Variants in SREBF2 observed in about 807,000 individuals in gnomAD.
SREBF2 encodes the protein sterol regulatory element-binding protein 2.
In SREBF2, 55 loss-of-function variants were observed where a neutral mutation model predicts 113.1. The observed-to-expected ratio is 0.49, with a 90% CI of 0.39 to 0.61. The LOEUF (loss-of-function observed/expected upper bound fraction) is 0.61. Ranked by LOEUF, SREBF2 falls within the 20% of genes least tolerant of loss-of-function variation. SREBF2 has a pLI of 0.00. For missense variants in SREBF2, 1,349 were observed against 1,487.4 expected (o/e 0.91, Z 1.53); for synonymous variants, 593 against 605.7 (o/e 0.98, Z 0.31).
At chr22:41,877,542 C>T (rs2077207954) in intron 8 of SREBF2, 121 bp downstream of exon 8, 4 of 1,161,812 alleles carry the variant, frequency 3.4e-6, no homozygotes, top group Non-Finnish European at 5.0e-6. Flanking sequence ...AGTGGGCCCC[C>T]ACCTGCTTGC....
At chr22:41,896,133 T>A (rs1199545127) in intron 13 of SREBF2, among the ~76,000 whole-genome samples, 1 of 147,798 alleles carries the variant, frequency 6.8e-6, no homozygotes, top group Non-Finnish European at 1.5e-5. Context: ...AGAGCTAGAC[T>A]CTGTCTCAAA....
At chr22:41,854,997 G>A (rs568555502) in intron 1 of SREBF2, among the ~76,000 whole-genome samples, 151 of 149,736 alleles carry the variant, frequency 1.0e-3, no homozygotes, top group Non-Finnish European at 1.8e-3. Context: ...CGTGTAGCTG[G>A]ACCAACAGGC....
intron 11 of SREBF2, among the ~76,000 whole-genome samples, chr22:41,892,519 G>A (rs994700405): frequency 7.2e-5 from 11 of 151,814 alleles, no homozygotes; most frequent in East Asian, 3.9e-4. Context: ...ATGGTGGCGC[G>A]CGCCTGTAGT....
chr22:41,874,080 T>C lies in SREBF2; in HGVS notation c.1089+61T>C, dbSNP rs1019176424. The C allele has an allele frequency of 5.7e-6, 9 of 1,582,558 alleles. No homozygotes were observed. The East Asian group carries it at 2.0e-4, about 35-fold the overall frequency. Reference sequence around the variant, plus strand: ...CATCTCCCCTCTACCTGTTTTTGCCTCAGGAGCCTAGAGAAGTCCCAGGCT... The same window carrying C: ...CATCTCCCCTCTACCTGTTTTTGCCCCAGGAGCCTAGAGAAGTCCCAGGCT... On this transcript the variant is annotated intron_variant, in intron 5 of 18. Transcript: ENST00000361204.
At position 41,906,061 on chromosome 22, in the gene SREBF2, T is replaced by C. The variant is rs913608418; in HGVS notation, c.*401T>C. The stretch of plus-strand genomic sequence containing the variant: ...GCAGTCTCTGAGCACCAGGGAGCAG[T>C]TGCCCTCAGGCCTGTGCCCAGCATG... On this transcript the variant is annotated 3_prime_UTR_variant, in exon 19 of 19. Coordinates refer to ENST00000361204, the MANE Select transcript of SREBF2 (RefSeq NM_004599.4). 4.3e-6 allele frequency: 2 copies of C among 468,798 alleles called. No individual in the cohort carries two copies. Among genetic ancestry groups the C allele is most frequent in the African/African-American group, 2.0e-5 (1 of 50,676 alleles). 29.0% of individuals were successfully genotyped at this position (468,798 alleles called of 1,614,324 possible).
chr22:41,839,348 C>T (rs9607850), intron 1 of SREBF2, among the ~76,000 whole-genome samples: 63,025 of 151,768 alleles, frequency 0.42, 13,388 homozygotes, highest in Non-Finnish European at 0.45. Context: ...AGAGTCACTG[C>T]TGAGTCAAGA....
chr22:41,861,784 G>A (rs963332807), intron 1 of SREBF2, among the ~76,000 whole-genome samples: 2 of 151,946 alleles, frequency 1.3e-5, no homozygotes, highest in African/African-American at 4.8e-5. Flanking sequence ...TTAGCAGGGC[G>A]TGGTGGTGTG....
In SREBF2 at chr22:41,877,326, A is replaced by AC; in HGVS notation, c.1489dup (p.Leu497ProfsTer14). ...CTCACCTTCCTGTGCCTCTCCTTTA[A>AC]CCCCCTGACTTCCCTGCTGCAGTGG... is the stretch of plus-strand genomic sequence containing the variant. On this transcript the variant is annotated frameshift_variant, in exon 8 of 19. Transcript: ENST00000361204. LOFTEE classifies it high-confidence loss of function. 6.2e-7 allele frequency: 1 copy of AC among 1,613,460 alleles called. No homozygotes were observed. The highest frequency in any genetic ancestry group is 8.5e-7 in the Non-Finnish European group (1 of 1,179,866).
chr22:41,860,171 G>T lies in SREBF2; in HGVS notation c.89-6660G>T, dbSNP rs561552202. ...AACATATTAAAAGAGAAATAACAAA[G>T]TGGGGGAAGTACTTGCAGACATTTA... is the stretch of plus-strand genomic sequence containing the variant. On this transcript the variant is annotated intron_variant, in intron 1 of 18. Coordinates refer to ENST00000361204, the MANE Select transcript of SREBF2 (RefSeq NM_004599.4). Among the ~76,000 whole-genome samples, 3 of 151,710 alleles carry T rather than the reference G, an allele frequency of 2.0e-5. No homozygotes were observed. The South Asian group carries it at 6.3e-4, about 32-fold the overall frequency.
chr22:41,887,596 C>T (rs1164375284), intron 11 of SREBF2, among the ~76,000 whole-genome samples: 1 of 152,212 alleles, frequency 6.6e-6, no homozygotes, highest in Middle Eastern at 3.4e-3. Context: ...TTATAGTGTT[C>T]CATTGTATGA....
At chr22:41,864,072 T>G (rs2077048445) in intron 1 of SREBF2, among the ~76,000 whole-genome samples, 1 of 149,274 alleles carries the variant, frequency 6.7e-6, no homozygotes, top group African/African-American at 2.5e-5. Context: ...AGACAGGGGT[T>G]TTCACCATGT....
rs750615465 is a variant in SREBF2, at chr22:41,905,708, T to TCC, written c.*52_*53dup. ...CCACCTCTCTCTCGATTTCTCTCTC[T>TCC]CCCCCTCAGCATCTTCCCGCTGAGA... On this transcript the variant is annotated 3_prime_UTR_variant, in exon 19 of 19. Coordinates refer to ENST00000361204, the MANE Select transcript of SREBF2 (RefSeq NM_004599.4). The TCC allele has an allele frequency of 6.6e-7, 1 of 1,508,898 alleles. No homozygotes were observed. The highest frequency in any genetic ancestry group is 1.2e-5 in the South Asian group (1 of 83,000). The allele number at this position is 1,508,898 out of a possible 1,614,324, so 93.5% of individuals were successfully genotyped here.
chr22:41,837,148 A>G (rs1231401227), intron 1 of SREBF2, among the ~76,000 whole-genome samples: 1 of 152,210 alleles, frequency 6.6e-6, no homozygotes, highest in African/African-American at 2.4e-5. Context: ...GGGCCATATT[A>G]TAGAGTGTGA....
At chr22:41,871,871 C>A (rs1481229508) in intron 4 of SREBF2, among the ~76,000 whole-genome samples, 1 of 148,382 alleles carries the variant, frequency 6.7e-6, no homozygotes, top group Non-Finnish European at 1.5e-5. Flanking sequence ...TGCACTCCAG[C>A]CTGGATGACA....
chr22:41,867,813 GA>G lies in SREBF2; in HGVS notation c.538+544del, dbSNP rs527717029. Among the ~76,000 whole-genome samples, 1,222 of 144,730 alleles carry G rather than the reference GA, an allele frequency of 8.4e-3. 14 individuals are homozygous for G. Among genetic ancestry groups the G allele is most frequent in the African/African-American group, 0.026 (1,038 of 39,916 alleles). The allele number at this position is 144,730 out of a possible 152,430, so 94.9% of individuals were successfully genotyped here. On this transcript the variant is annotated intron_variant, in intron 2 of 18. Coordinates refer to ENST00000361204, the MANE Select transcript of SREBF2 (RefSeq NM_004599.4). ...CAGAGCGAGACTCCCATCTTAAAAAGAAAAAAAAAAATCCAGCAAGCATAGT... is the reference window on the plus strand; with the variant it reads ...CAGAGCGAGACTCCCATCTTAAAAAGAAAAAAAAAATCCAGCAAGCATAGT...
chr22:41,903,284 C>A, intron 17 of SREBF2, 129 bp downstream of exon 17: 3 of 1,160,226 alleles, frequency 2.6e-6, no homozygotes, highest in Non-Finnish European at 3.7e-6. Context: ...ACCTGTCGAG[C>A]ACCTGCTTGG....
At chr22:41,854,311 A>AC (rs2076958256) in intron 1 of SREBF2, among the ~76,000 whole-genome samples, 1 of 150,498 alleles carries the variant, frequency 6.6e-6, no homozygotes, top group South Asian at 2.1e-4. Flanking sequence ...ACAGGCACCC[A>AC]CCCCCACACT....
At chr22:41,854,232 C>T (rs1187329631) in intron 1 of SREBF2, among the ~76,000 whole-genome samples, 4 of 151,382 alleles carry the variant, frequency 2.6e-5, no homozygotes, top group Non-Finnish European at 5.9e-5. Context: ...GGCGCGATCT[C>T]GACTCACTGC....
At chr22:41,905,019 G>T (rs377578299) in intron 18 of SREBF2, 45 bp downstream of exon 18, 1 of 1,510,668 alleles carries the variant, frequency 6.6e-7, no homozygotes, top group South Asian at 1.2e-5. Flanking sequence ...CAGGCCCTGC[G>T]CCCTAGGAAG....
Sources: allele counts gnomAD v4.1 joint callset (sites outside exome capture counted in the v4.1 genomes callset), GRCh38; gene constraint gnomAD v4.1.1; transcripts MANE v1.5; gene names NCBI Gene and HGNC (gene_info 2026-07-23, HGNC 2026-07-21).